The following NCOA7 variants were observed in gnomAD, a reference collection of about 807,000 sequenced individuals.
NCOA7 encodes nuclear receptor coactivator 7.
A neutral mutation model predicts 104.3 loss-of-function variants in NCOA7; 45 were observed. The observed-to-expected ratio is 0.43, with a 90% CI of 0.34 to 0.55. NCOA7 has a LOEUF of 0.55. Among genes scored for constraint, NCOA7 ranks in the 20% least tolerant of loss-of-function variants. The pLI is 0.02. For synonymous variants in NCOA7, 398 were observed against 402.3 expected, an observed-to-expected ratio of 0.99 and a Z score of 0.13; for missense variants, 1,041 against 1,119.7, an observed-to-expected ratio of 0.93 and a Z score of 1.00.
At chr6:125,810,681 G>C (rs537696690) in intron 1 of NCOA7, among the ~76,000 whole-genome samples, 29 of 152,260 alleles carry the variant, frequency 1.9e-4, no homozygotes, top group African/African-American at 6.3e-4. Context: ...AAGCATGAAG[G>C]CTGCAGTGTG....
Position 125,808,863 on chromosome 6 carries a change from A to G in NCOA7, c.-64-6428A>G, listed in dbSNP as rs558437817. Among the ~76,000 whole-genome samples, 6 of 152,330 alleles carry G rather than the reference A, an allele frequency of 3.9e-5. No homozygotes were observed. The South Asian group carries it at 1.2e-3, about 32-fold the overall frequency. On this transcript the variant is annotated intron_variant, in intron 1 of 15. Transcript: ENST00000392477. ...TCATTTAGAGTATGTAGGAGATTTGATGGCATCTCTTGACTCATCTTAGGT... is the reference window on the plus strand; with the variant it reads ...TCATTTAGAGTATGTAGGAGATTTGGTGGCATCTCTTGACTCATCTTAGGT...
At position 125,889,077 on chromosome 6, in the gene NCOA7, G is replaced by T; in HGVS notation, c.1023G>T (p.Met341Ile). Residue 341 changes from methionine to isoleucine, a missense_variant, in exon 9 of 16, where the codon ATG becomes ATT. Around this residue, in one of 2 missense-constraint regions of NCOA7, gnomAD observed 914 missense variants for 942.7 expected, o/e 0.97. Transcript: ENST00000392477. ...EKRQQNGEKIMTSDSRPIVPL... is the reference protein window; with the variant it reads ...EKRQQNGEKIITSDSRPIVPL... Reference sequence around the variant, plus strand: ...GACAGCAGAATGGAGAGAAAATTATGACTTCGGATTCCAGACCAATAGTAC... The same window carrying T: ...GACAGCAGAATGGAGAGAAAATTATTACTTCGGATTCCAGACCAATAGTAC... The T allele has an allele frequency of 1.2e-6, 2 of 1,614,098 alleles. No homozygotes were observed. Among genetic ancestry groups the T allele is most frequent in the South Asian group, 2.2e-5 (2 of 91,072 alleles).
chr6:125,801,018 G>C (rs1775835344), intron 1 of NCOA7, among the ~76,000 whole-genome samples: 1 of 152,218 alleles, frequency 6.6e-6, no homozygotes, highest in Non-Finnish European at 1.5e-5. Context: ...CTGAGTGACA[G>C]AGTGAGACGC....
At chr6:125,898,507 C>T (rs1212494676) in intron 10 of NCOA7, among the ~76,000 whole-genome samples, 1 of 152,162 alleles carries the variant, frequency 6.6e-6, no homozygotes, top group South Asian at 2.1e-4. Context: ...TGATGCCCTT[C>T]TTGACTTTGT....
Position 125,915,322 on chromosome 6 carries a change from G to A in NCOA7, c.2097-11G>A, listed in dbSNP as rs369094357. 25 of 1,612,982 alleles carry A rather than the reference G, an allele frequency of 1.5e-5. No homozygotes were observed. Among genetic ancestry groups the A allele is most frequent in the Non-Finnish European group, 2.0e-5 (24 of 1,179,188 alleles). On this transcript the variant is annotated splice_polypyrimidine_tract_variant and intron_variant, in intron 10 of 15. Coordinates refer to ENST00000392477, the MANE Select transcript of NCOA7 (RefSeq NM_181782.5). The stretch of plus-strand genomic sequence containing the variant: ...CATGGTGTTAACATCTGTCACAAAC[G>A]TGTTTTTCAGGGTGGATCATTTGTA...
chr6:125,912,230 C>T (rs548493738), intron 10 of NCOA7, among the ~76,000 whole-genome samples: 28 of 152,286 alleles, frequency 1.8e-4, no homozygotes, highest in African/African-American at 6.0e-4. Context: ...CAAGCAGATC[C>T]TCTTCCCCAT....
At chr6:125,821,272 G>T (rs1381942547) in intron 2 of NCOA7, among the ~76,000 whole-genome samples, 2 of 152,172 alleles carry the variant, frequency 1.3e-5, no homozygotes, top group Admixed American at 6.5e-5. Flanking sequence ...TTTAAAAAAA[G>T]TTCATCCCTA....
At chr6:125,850,708 C>T (rs563504249) in intron 2 of NCOA7, among the ~76,000 whole-genome samples, 1 of 152,296 alleles carries the variant, frequency 6.6e-6, no homozygotes, top group East Asian at 1.9e-4. Context: ...TAGTATTTGA[C>T]ATCTCTTTTC....
chr6:125,888,249 A>C (rs776897677), intron 8 of NCOA7, among the ~76,000 whole-genome samples: 1 of 152,244 alleles, frequency 6.6e-6, no homozygotes, highest in Non-Finnish European at 1.5e-5. Context: ...AGTACTATAC[A>C]TAAGAGCTTT....
chr6:125,895,969 G>T (rs1272758916), intron 10 of NCOA7, among the ~76,000 whole-genome samples: 5 of 133,800 alleles, frequency 3.7e-5, no homozygotes, highest in Admixed American at 2.8e-4. Flanking sequence ...GTATATATGT[G>T]TGTGTGTGTG....
chr6:125,830,737 A>ATGTGTGTGTG lies in NCOA7; in HGVS notation c.50+15347_50+15356dup, dbSNP rs890797445. On this transcript the variant is annotated intron_variant, in intron 2 of 15. Transcript: ENST00000392477. ...CTATATATTTTATATATATATATAT[A>ATGTGTGTGTG]TGTGTGTGTGTGTGTGTGTGTGTAT... 4.4e-4 allele frequency among the ~76,000 whole-genome samples: 41 copies of ATGTGTGTGTG among 93,046 alleles called. No individual in the cohort carries two copies. The East Asian group carries it at 7.3e-3, about 17-fold the overall frequency. 61.0% of individuals were successfully genotyped at this position (93,046 alleles called of 152,430 possible). A position where few individuals can be genotyped will look rare whatever the true frequency, so the allele number is the denominator to read the frequency against.
intron 1 of NCOA7, among the ~76,000 whole-genome samples, chr6:125,808,065 G>A (rs1457148837): frequency 6.6e-6 from 1 of 152,182 alleles, no homozygotes; most frequent in African/African-American, 2.4e-5. Context: ...AGGGAAATTA[G>A]GACAGTGTGA....
chr6:125,877,065 A>G (rs906029785), intron 4 of NCOA7, among the ~76,000 whole-genome samples: 5 of 152,168 alleles, frequency 3.3e-5, no homozygotes, highest in Non-Finnish European at 7.4e-5. Context: ...TTTAGTGGAG[A>G]TGGTTTTACC....
At chr6:125,840,624 C>G (rs2128603337) in intron 2 of NCOA7, among the ~76,000 whole-genome samples, 1 of 151,620 alleles carries the variant, frequency 6.6e-6, no homozygotes, top group East Asian at 1.9e-4. Context: ...AGGTGGTCCT[C>G]CCACCACAGC....
intron 2 of NCOA7, among the ~76,000 whole-genome samples, chr6:125,815,932 TGTA>T (rs1777554464): frequency 6.6e-6 from 1 of 152,218 alleles, no homozygotes. Flanking sequence ...ATAGAAGTAA[TGTA>T]GTATATGATT....
At chr6:125,864,222 A>G (rs993533912) in intron 3 of NCOA7, among the ~76,000 whole-genome samples, 1 of 138,128 alleles carries the variant, frequency 7.2e-6, no homozygotes, top group Non-Finnish European at 1.5e-5. Flanking sequence ...ACTATGTGCC[A>G]TTTTAAAATG....
intron 4 of NCOA7, among the ~76,000 whole-genome samples, chr6:125,875,732 G>A (rs139904179): frequency 5.9e-5 from 9 of 152,196 alleles, no homozygotes; most frequent in African/African-American, 1.7e-4. Context: ...ATTCATTAGC[G>A]TGTTGTTATT....
At chr6:125,853,894 A>AGG (rs1781336651) in intron 2 of NCOA7, among the ~76,000 whole-genome samples, 1 of 152,164 alleles carries the variant, frequency 6.6e-6, no homozygotes, top group African/African-American at 2.4e-5. Context: ...AGCCTCAGGG[A>AGG]GGGACCTCTC....
intron 2 of NCOA7, among the ~76,000 whole-genome samples, chr6:125,841,621 T>C (rs1463746719): frequency 6.6e-6 from 1 of 152,076 alleles, no homozygotes; most frequent in Non-Finnish European, 1.5e-5. Flanking sequence ...CCAAGATTTT[T>C]CTTCAAAATC....
Sources: allele counts gnomAD v4.1 joint callset (sites outside exome capture counted in the v4.1 genomes callset), GRCh38; gene constraint gnomAD v4.1.1; regional missense constraint gnomAD v4.1.1; transcripts MANE v1.5; gene names NCBI Gene and HGNC (gene_info 2026-07-23, HGNC 2026-07-21).